The following PXDNL variants were observed in gnomAD, a reference collection of about 807,000 sequenced individuals.
The protein encoded by PXDNL is peroxidasin like.
Under a neutral mutation model 150.8 loss-of-function variants are expected in PXDNL, and 145 were observed. The ratio of observed to expected loss-of-function variants is 0.96; its 90% confidence interval spans 0.84 to 1.10. The LOEUF is 1.10. Ranked by LOEUF, PXDNL falls within the 50% of genes least tolerant of loss-of-function variation. The probability of loss-of-function intolerance (pLI) is 0.00; values close to 1 mark genes in which losing one functional copy is unlikely to be tolerated. For missense variants in PXDNL, 2,087 were observed against 1,873.9 expected (o/e 1.11, Z -2.10); for synonymous variants, 757 against 725.7 (o/e 1.04, Z -0.69).
chr8:51,377,833 C>T (rs888081149), intron 17 of PXDNL, among the ~76,000 whole-genome samples: 1 of 152,168 alleles, frequency 6.6e-6, no homozygotes, highest in Non-Finnish European at 1.5e-5. Context: ...CCCAGCCTCC[C>T]GGAGGAGCGC....
intron 12 of PXDNL, among the ~76,000 whole-genome samples, chr8:51,427,179 A>G (rs887675527): frequency 3.7e-4 from 57 of 152,360 alleles, no homozygotes; most frequent in African/African-American, 1.3e-3. Context: ...ACAAACTACC[A>G]TAACACACCT....
chr8:51,393,935 G>A (rs914323224), intron 17 of PXDNL, among the ~76,000 whole-genome samples: 1 of 152,064 alleles, frequency 6.6e-6, no homozygotes, highest in African/African-American at 2.4e-5. Flanking sequence ...CTTTTTTTAA[G>A]GCATCTATTT....
At chr8:51,514,723 C>T (rs769802622) in intron 4 of PXDNL, among the ~76,000 whole-genome samples, 1 of 152,196 alleles carries the variant, frequency 6.6e-6, no homozygotes, top group Non-Finnish European at 1.5e-5. Flanking sequence ...TCCACAAAGT[C>T]CAAGCAACTG....
intron 11 of PXDNL, among the ~76,000 whole-genome samples, chr8:51,448,006 G>A (rs1477006327): frequency 1.3e-5 from 2 of 152,206 alleles, no homozygotes; most frequent in Non-Finnish European, 2.9e-5. Flanking sequence ...GAGTGGAGAT[G>A]TGAGCCAAGG....
chr8:51,726,145 T>C (rs912899387), intron 1 of PXDNL, among the ~76,000 whole-genome samples: 1 of 152,240 alleles, frequency 6.6e-6, no homozygotes, highest in African/African-American at 2.4e-5. Flanking sequence ...TATATCTCTA[T>C]TGCAGCTCTA....
chr8:51,594,277 T>C (rs962728993), intron 2 of PXDNL, among the ~76,000 whole-genome samples: 4 of 152,248 alleles, frequency 2.6e-5, no homozygotes, highest in Admixed American at 6.5e-5. Flanking sequence ...AGTCTCAACC[T>C]CATATTAATC....
chr8:51,420,809 C>T (rs1426441931), intron 14 of PXDNL, among the ~76,000 whole-genome samples: 1 of 152,174 alleles, frequency 6.6e-6, no homozygotes, highest in Admixed American at 6.5e-5. Context: ...TTGCCTCGGC[C>T]TCCCAAGTAG....
chr8:51,747,979 T>G (rs2037005221), intron 1 of PXDNL, among the ~76,000 whole-genome samples: 1 of 152,212 alleles, frequency 6.6e-6, no homozygotes, highest in South Asian at 2.1e-4. Context: ...AGTTTCCTCT[T>G]GTATACATAG....
intron 19 of PXDNL, among the ~76,000 whole-genome samples, chr8:51,365,242 A>T (rs1806878028): frequency 6.6e-6 from 1 of 152,158 alleles, no homozygotes; most frequent in African/African-American, 2.4e-5. Flanking sequence ...CCAGCCAGTT[A>T]TACAACAGAC....
chr8:51,561,338 G>C (rs190644965), intron 3 of PXDNL, among the ~76,000 whole-genome samples: 1 of 151,964 alleles, frequency 6.6e-6, no homozygotes, highest in East Asian at 1.9e-4. Context: ...TAGCCAAGAG[G>C]TGGATTCAAC....
At chr8:51,413,724 C>CT (rs1170401602) in intron 14 of PXDNL, among the ~76,000 whole-genome samples, 3 of 151,524 alleles carry the variant, frequency 2.0e-5, no homozygotes, top group African/African-American at 7.3e-5. Flanking sequence ...TTAATTTATG[C>CT]TTTTTTTATA....
chr8:51,638,520 T>C (rs1056857711), intron 2 of PXDNL, among the ~76,000 whole-genome samples: 1 of 151,486 alleles, frequency 6.6e-6, no homozygotes, highest in Admixed American at 6.6e-5. Context: ...ACCAAGCAAA[T>C]AGAAAACGAA....
At chr8:51,442,759 A>G (rs920000809) in intron 12 of PXDNL, among the ~76,000 whole-genome samples, 3 of 152,108 alleles carry the variant, frequency 2.0e-5, no homozygotes, top group Non-Finnish European at 4.4e-5. Context: ...TTTGATATCT[A>G]TGATTACATT....
chr8:51,697,101 C>G (rs143203057), intron 1 of PXDNL, among the ~76,000 whole-genome samples: 1,598 of 152,176 alleles, frequency 0.011, 24 homozygotes, highest in African/African-American at 0.032. Context: ...GTCAGGAGTT[C>G]GAGACCAGCC....
Position 51,371,178 on chromosome 8 carries a change from T to A in PXDNL, c.3901+695A>T, listed in dbSNP as rs374342465. Among the ~76,000 whole-genome samples the A allele has an allele frequency of 1.1e-3, 170 of 152,308 alleles. 2 individuals are homozygous for A. The highest frequency in any genetic ancestry group is 3.8e-3 in the African/African-American group (158 of 41,572). ...ATCAAGTCCTCAGTTCATCTCTAGG[T>A]TTCAACAAACAATACATCTTTTCTC... is the stretch of plus-strand genomic sequence containing the variant. On this transcript the variant is annotated intron_variant, in intron 19 of 22. Transcript: ENST00000356297.
chr8:51,639,380 A>C (rs1342644349), intron 2 of PXDNL, among the ~76,000 whole-genome samples: 1 of 152,176 alleles, frequency 6.6e-6, no homozygotes, highest in African/African-American at 2.4e-5. Flanking sequence ...ATACAGACAC[A>C]AAAAACCCTT....
intron 1 of PXDNL, among the ~76,000 whole-genome samples, chr8:51,792,421 C>T (rs935833822): frequency 1.8e-4 from 28 of 152,176 alleles, no homozygotes; most frequent in African/African-American, 5.6e-4. Context: ...TCTATGTGAC[C>T]GGGGGATCCT....
At chr8:51,345,712 G>A in intron 20 of PXDNL, 121 bp downstream of exon 20, 1 of 587,584 alleles carries the variant, frequency 1.7e-6, no homozygotes, top group Non-Finnish European at 3.0e-6. Flanking sequence ...CTTTTCATGT[G>A]ATTCATCCTA....
intron 3 of PXDNL, among the ~76,000 whole-genome samples, chr8:51,578,758 A>G (rs1270153611): frequency 6.6e-6 from 1 of 151,982 alleles, no homozygotes; most frequent in Non-Finnish European, 1.5e-5. Flanking sequence ...GCAAAGGGGT[A>G]AGCATATAGG....
Sources: gnomAD v4.1 joint callset for allele counts (sites outside exome capture counted in the v4.1 genomes callset) on GRCh38, gnomAD v4.1.1 for gene constraint, MANE v1.5 for transcripts, NCBI Gene and HGNC (gene_info 2026-07-23, HGNC 2026-07-21) for gene names.